The following ARAP3 variants were observed in gnomAD, a reference collection of about 807,000 sequenced individuals.
The protein encoded by ARAP3 is arf-GAP with Rho-GAP domain, ANK repeat and PH domain-containing protein 3.
In ARAP3, 82 loss-of-function variants were observed where a neutral mutation model predicts 169.2. The observed-to-expected ratio is 0.48, with a 90% CI of 0.41 to 0.58. The LOEUF (loss-of-function observed/expected upper bound fraction) is 0.58, where lower values mean the gene tolerates loss of function less well. Among genes scored for constraint, ARAP3 ranks in the 20% least tolerant of loss-of-function variants. The probability of loss-of-function intolerance (pLI) is 0.00; values close to 1 mark genes in which losing one functional copy is unlikely to be tolerated. For missense variants in ARAP3, 1,764 were observed against 2,018.0 expected, an observed-to-expected ratio of 0.87 and a Z score of 2.41; for synonymous variants, 791 against 800.3, an observed-to-expected ratio of 0.99 and a Z score of 0.20.
chr5:141,671,797 G>C lies in ARAP3; in HGVS notation c.1672-45C>G. ...AAAGGCAGGTGACAGGAACTCAAGA[G>C]TCCTCAGATGTTCCATTCCTGTCCC... is the stretch of plus-strand genomic sequence containing the variant. On this transcript the variant is annotated intron_variant, in intron 11 of 32. Coordinates refer to ENST00000239440, the MANE Select transcript of ARAP3 (RefSeq NM_022481.6). The surrounding 1 kb of genome is among the most constrained non-coding windows in gnomAD (Gnocchi z 4.9). The C allele has an allele frequency of 1.2e-5, 19 of 1,603,580 alleles. No individual in the cohort carries two copies. The highest frequency in any genetic ancestry group is 1.6e-5 in the Non-Finnish European group (19 of 1,173,526).
intron 14 of ARAP3, 125 bp downstream of exon 14, chr5:141,670,387 C>T (rs1596488126): frequency 9.2e-7 from 1 of 1,081,652 alleles, no homozygotes; most frequent in East Asian, 2.4e-5. Context: ...CCCCAGGACC[C>T]CAGCCCATTC....
intron 23 of ARAP3, 116 bp downstream of exon 23, chr5:141,659,292 G>T: frequency 2.1e-6 from 2 of 936,998 alleles, no homozygotes; most frequent in Non-Finnish European, 3.4e-6. Flanking sequence ...CCAAAGAGCT[G>T]AGTGCTAGTG....
At position 141,662,264 on chromosome 5, in the gene ARAP3, A is replaced by T; in HGVS notation, c.2801-9T>A. ...ACCTTCCAGCCGGAGCCCTGAGGAG[A>T]GCCAGCCGTCTCTGCTCACCATGGT... is the stretch of plus-strand genomic sequence containing the variant. On this transcript the variant is annotated splice_polypyrimidine_tract_variant and intron_variant, in intron 19 of 32. Transcript: ENST00000239440. 1 of 1,613,516 alleles carries T rather than the reference A, an allele frequency of 6.2e-7. No homozygotes were observed. Among genetic ancestry groups the T allele is most frequent in the South Asian group, 1.1e-5 (1 of 91,066 alleles).
In ARAP3 at chr5:141,662,271, C is replaced by A. The variant is rs1343970501; in HGVS notation, c.2801-16G>T. Reference sequence around the variant, plus strand: ...AGCCGGAGCCCTGAGGAGAGCCAGCCGTCTCTGCTCACCATGGTGCAAAGG... The same window carrying A: ...AGCCGGAGCCCTGAGGAGAGCCAGCAGTCTCTGCTCACCATGGTGCAAAGG... On this transcript the variant is annotated splice_polypyrimidine_tract_variant and intron_variant, in intron 19 of 32. Transcript: ENST00000239440. The A allele has an allele frequency of 6.2e-7, 1 of 1,612,744 alleles. No homozygotes were observed. The highest frequency in any genetic ancestry group is 8.5e-7 in the Non-Finnish European group (1 of 1,179,358).
chr5:141,681,977 G>C (rs2099913074), intron 1 of ARAP3, among the ~76,000 whole-genome samples, 196 bp downstream of exon 1: 1 of 151,224 alleles, frequency 6.6e-6, no homozygotes, highest in African/African-American at 2.4e-5. Flanking sequence ...GGCAGTGGCG[G>C]GCAGCGCAGG....
chr5:141,680,499 C>A lies in ARAP3; in HGVS notation c.-13G>T. On this transcript the variant is annotated 5_prime_UTR_variant, in exon 2 of 33. It removes an upstream start codon present in the reference 5' UTR. Transcript: ENST00000239440. ...GAGGGGCAGCCATGGGGGCTCAGGC[C>A]ATTGCTGGGGGGAGGGGCAGGGTGA... The A allele has an allele frequency of 6.3e-7, 1 of 1,578,166 alleles. No homozygotes were observed. The highest frequency in any genetic ancestry group is 8.6e-7 in the Non-Finnish European group (1 of 1,164,012).
chr5:141,665,460 GC>G, intron 17 of ARAP3, 86 bp from the exon 18 acceptor site: 1 of 1,411,808 alleles, frequency 7.1e-7, no homozygotes, highest in Non-Finnish European at 1.0e-6. Flanking sequence ...GTGCATAGAT[GC>G]CAGGCTAGGA....
Position 141,659,829 on chromosome 5 carries a change from C to T in ARAP3, c.3217G>A (p.Glu1073Lys), listed in dbSNP as rs1455899942. 6.2e-6 allele frequency: 10 copies of T among 1,611,596 alleles called. No homozygotes were observed. The highest frequency in any genetic ancestry group is 2.2e-5 in the East Asian group (1 of 44,786). The part of the protein sequence containing the change: ...VFQTDGRGEH[E>K]VRVLQELIDG... ...ATGAGCTCTTGCAGCACTCGCACCT[C>T]GTGCTCCCCTCGCCCATCCGTCTGG... Residue 1073 changes from glutamate to lysine, a missense_variant, in exon 22 of 33, where the codon GAG (glutamate) becomes AAG (lysine). By Grantham distance (56) the Glu-to-Lys change is moderately conservative. Coordinates refer to ENST00000239440, the MANE Select transcript of ARAP3 (RefSeq NM_022481.6).
intron 6 of ARAP3, 94 bp downstream of exon 6, chr5:141,673,307 A>C (rs1037715230): frequency 1.3e-4 from 196 of 1,532,746 alleles, no homozygotes; most frequent in Admixed American, 4.2e-4. Context: ...TGCCCCGCCC[A>C]CACACACAAT....
At chr5:141,660,334 T>C (rs2099909772) in intron 21 of ARAP3, among the ~76,000 whole-genome samples, 1 of 151,458 alleles carries the variant, frequency 6.6e-6, no homozygotes, top group African/African-American at 2.4e-5. Context: ...CTACTAAAAA[T>C]ACAAAAAAAA....
At chr5:141,664,898 C>T (rs768189345) in intron 19 of ARAP3, 24 bp downstream of exon 19, 7 of 739,936 alleles carry the variant, frequency 9.5e-6, no homozygotes, top group East Asian at 9.2e-5. Flanking sequence ...CCCATTGGCT[C>T]AGTACCAGCC....
Position 141,680,258 on chromosome 5 carries a change from T to G in ARAP3, c.229A>C (p.Ser77Arg). ...GGGCTGGGGGATGGTTCCATGGCAC[T>G]ATCTGATTTGGGATCCAGGGAGCCC... ...EEGSLDPKSD[S>R]AMEPSPSPAP... The change falls in exon 2 of 33, where the codon AGT becomes CGT. Residue 77 changes from serine to arginine, a missense_variant. Physicochemically the swap from Ser to Arg is moderately radical, Grantham distance 110. Around this residue, in one of 3 missense-constraint regions of ARAP3, gnomAD observed 630 missense variants for 678.7 expected, o/e 0.93. Transcript: ENST00000239440. 1 of 1,614,162 alleles carries G rather than the reference T, an allele frequency of 6.2e-7. No individual in the cohort carries two copies. Among genetic ancestry groups the G allele is most frequent in the South Asian group, 1.1e-5 (1 of 91,084 alleles).
In ARAP3 at chr5:141,666,596, C is replaced by A; in HGVS notation, c.2400G>T (p.Leu800=). The A allele has an allele frequency of 6.6e-7, 1 of 1,510,756 alleles. No individual in the cohort carries two copies. The highest frequency in any genetic ancestry group is 2.5e-5 in the East Asian group (1 of 40,202). The allele number at this position is 1,510,756 out of a possible 1,614,324, so 93.6% of individuals were successfully genotyped here. ...ACCGCAGCCATAGGCGGCCCAGCCG[C>A]AGCAGCCCGGGGCCCAGCAGCTGGT... The part of the protein sequence containing the change: ...SCHQLLGPGL[L]RLGRLWLRSP... The change falls in exon 17 of 33, where the codon CTG becomes CTT. Residue 800 remains leucine, a synonymous_variant. Transcript: ENST00000239440.
chr5:141,679,732 TC>T, intron 3 of ARAP3, 28 bp downstream of exon 3: 1 of 1,613,992 alleles, frequency 6.2e-7, no homozygotes. Flanking sequence ...GCACTATCCC[TC>T]TCCCCCAACC....
At chr5:141,669,091 G>A (rs1451109364) in intron 16 of ARAP3, among the ~76,000 whole-genome samples, 1 of 152,142 alleles carries the variant, frequency 6.6e-6, no homozygotes, top group Non-Finnish European at 1.5e-5. Context: ...GGCCTCACAT[G>A]TCATTTAATC....
intron 4 of ARAP3, among the ~76,000 whole-genome samples, chr5:141,676,397 T>A (rs1292041910): frequency 6.6e-6 from 1 of 152,164 alleles, no homozygotes; most frequent in East Asian, 1.9e-4. Context: ...CTAGCAACAA[T>A]AGTTCCAACT....
chr5:141,661,886 T>A (rs889468404), intron 20 of ARAP3, 97 bp from the exon 21 acceptor site: 8 of 1,482,388 alleles, frequency 5.4e-6, no homozygotes, highest in Non-Finnish European at 5.6e-6. Flanking sequence ...GCAGGATGGA[T>A]GTGTCTCTGC....
In ARAP3 at chr5:141,679,829, G is replaced by C; in HGVS notation, c.525-7C>G. On this transcript the variant is annotated splice_region_variant and splice_polypyrimidine_tract_variant and intron_variant, in intron 2 of 32. Coordinates refer to ENST00000239440, the MANE Select transcript of ARAP3 (RefSeq NM_022481.6). Reference sequence around the variant, plus strand: ...TTGGGAGCTGTCTGGGGCCCTGAAGGGAAAGGTCTATTGGTTACTTAAGGA... The same window carrying C: ...TTGGGAGCTGTCTGGGGCCCTGAAGCGAAAGGTCTATTGGTTACTTAAGGA... 1.9e-6 allele frequency: 3 copies of C among 1,611,770 alleles called. No individual in the cohort carries two copies. The highest frequency in any genetic ancestry group is 2.5e-6 in the Non-Finnish European group (3 of 1,179,330).
intron 18 of ARAP3, 39 bp from the exon 19 acceptor site, chr5:141,665,124 A>T (rs376044136): frequency 9.4e-6 from 15 of 1,589,442 alleles, no homozygotes; most frequent in Non-Finnish European, 1.3e-5. Flanking sequence ...CAGCTCCGAC[A>T]GGCCCAGATG....
Sources: allele counts gnomAD v4.1 joint callset (sites outside exome capture counted in the v4.1 genomes callset), GRCh38; gene constraint gnomAD v4.1.1; regional missense constraint gnomAD v4.1.1; non-coding constraint Gnocchi (gnomAD v3.1); transcripts MANE v1.5; gene names NCBI Gene and HGNC (gene_info 2026-07-23, HGNC 2026-07-21).